The following DPP6 variants were observed in gnomAD, a reference collection of about 807,000 sequenced individuals.
The protein encoded by DPP6 is A-type potassium channel modulatory protein DPP6.
Under a neutral mutation model 122.6 loss-of-function variants are expected in DPP6, and 69 were observed. The observed-to-expected ratio is 0.56, with a 90% CI of 0.46 to 0.69. DPP6 has a LOEUF of 0.69. DPP6 is among the 30% of genes least tolerant of loss of function. The pLI is 0.00. For synonymous variants in DPP6, 418 were observed against 433.1 expected (o/e 0.97, Z 0.43); for missense variants, 928 against 1,116.9 (o/e 0.83, Z 2.41).
chr7:153,764,637 T>G, the DPP6 span, among the ~76,000 whole-genome samples: 1 of 151,756 alleles, frequency 6.6e-6, no homozygotes, highest in East Asian at 1.9e-4. Context: ...TCACATAGAA[T>G]GTTGGAAGAT....
In DPP6 at chr7:154,402,414, A is replaced by G. The variant is rs1239134032; in HGVS notation, c.244-43800A>G. Among the ~76,000 whole-genome samples, 5 of 144,078 alleles carry G rather than the reference A, an allele frequency of 3.5e-5. No individual in the cohort carries two copies. In the South Asian group the frequency reaches 6.4e-4, roughly 18 times the overall value. 94.5% of individuals were successfully genotyped at this position (144,078 alleles called of 152,430 possible). ...ACATATACACCATGGAATACTATGC[A>G]GCCATAAAAAATGATGAGTTCATGT... is the stretch of plus-strand genomic sequence containing the variant. On this transcript the variant is annotated intron_variant, in intron 1 of 25. Coordinates refer to ENST00000377770, the MANE Select transcript of DPP6 (RefSeq NM_130797.4).
intron 7 of DPP6, among the ~76,000 whole-genome samples, chr7:154,702,405 C>T (rs1840578707): frequency 6.6e-6 from 1 of 152,256 alleles, no homozygotes; most frequent in Non-Finnish European, 1.5e-5. Flanking sequence ...AAAGCCAGGC[C>T]TCTTGTGCCA....
intron 8 of DPP6, among the ~76,000 whole-genome samples, chr7:154,752,008 A>G (rs1310670150): frequency 2.6e-5 from 4 of 152,186 alleles, no homozygotes; most frequent in Non-Finnish European, 4.4e-5. Flanking sequence ...TCAGAGTACA[A>G]TGAGAAGACA....
intron 3 of DPP6, among the ~76,000 whole-genome samples, chr7:154,503,937 A>T (rs1308622787): frequency 6.6e-6 from 1 of 152,192 alleles, no homozygotes; most frequent in Non-Finnish European, 1.5e-5. Flanking sequence ...CATCCTGCAC[A>T]TGTACCCTGA....
chr7:154,717,300 T>G lies in DPP6; in HGVS notation c.763-10467T>G, dbSNP rs144539786. Among the ~76,000 whole-genome samples, 384 of 152,334 alleles carry G rather than the reference T, an allele frequency of 2.5e-3. 1 individual carries two copies. The highest frequency in any genetic ancestry group is 0.014 in the Middle Eastern group (4 of 294). On this transcript the variant is annotated intron_variant, in intron 7 of 25. Coordinates refer to ENST00000377770, the MANE Select transcript of DPP6 (RefSeq NM_130797.4). ...TTATTGTTAACCATTATTACCCAAC[T>G]GTGTAATGGAATACTCGGACTTATT...
At chr7:154,327,730 G>T (rs2151030868) in intron 1 of DPP6, among the ~76,000 whole-genome samples, 1 of 152,206 alleles carries the variant, frequency 6.6e-6, no homozygotes, top group African/African-American at 2.4e-5. Flanking sequence ...GAAATAATGG[G>T]ATATAAAAAT....
intron 17 of DPP6, among the ~76,000 whole-genome samples, chr7:154,856,183 T>C (rs562371275): frequency 1.3e-5 from 2 of 152,378 alleles, no homozygotes; most frequent in African/African-American, 2.4e-5. Context: ...TGATATAGCA[T>C]ATGGCTCTTC....
At chr7:154,450,148 C>T (rs537018672) in intron 2 of DPP6, among the ~76,000 whole-genome samples, 1 of 152,270 alleles carries the variant, frequency 6.6e-6, no homozygotes, top group South Asian at 2.1e-4. Flanking sequence ...CTGGAAACTT[C>T]ACACTAAGTG....
chr7:153,767,831 C>T, the DPP6 span, among the ~76,000 whole-genome samples: 24 of 152,238 alleles, frequency 1.6e-4, no homozygotes, highest in East Asian at 3.7e-3. Flanking sequence ...GTGTTGAGGG[C>T]TCTGTATGTA....
At chr7:153,829,826 G>T in the DPP6 span, among the ~76,000 whole-genome samples, 1 of 152,162 alleles carries the variant, frequency 6.6e-6, no homozygotes, top group Non-Finnish European at 1.5e-5. Flanking sequence ...CAGATTGACC[G>T]ATTGTTTCGG....
At chr7:154,323,543 T>G (rs1808160929) in intron 1 of DPP6, among the ~76,000 whole-genome samples, 1 of 152,240 alleles carries the variant, frequency 6.6e-6, no homozygotes, top group Middle Eastern at 3.2e-3. Flanking sequence ...GTGGAGCACT[T>G]GCTGCTTTTG....
At chr7:153,838,333 C>A in the DPP6 span, among the ~76,000 whole-genome samples, 4 of 152,138 alleles carry the variant, frequency 2.6e-5, no homozygotes, top group Admixed American at 6.5e-5. Flanking sequence ...CAATTTCTCT[C>A]TCCTCCATGC....
At chr7:154,421,800 C>T (rs12333876) in intron 1 of DPP6, among the ~76,000 whole-genome samples, 13,258 of 152,184 alleles carry the variant, frequency 0.087, 1,912 homozygotes, top group African/African-American at 0.3. Context: ...TAGTGGAGAA[C>T]GGAACCAGCT....
intron 7 of DPP6, among the ~76,000 whole-genome samples, chr7:154,672,524 C>A (rs1048667392): frequency 6.6e-6 from 1 of 152,170 alleles, no homozygotes; most frequent in Non-Finnish European, 1.5e-5. Context: ...GGCAAATAGC[C>A]AGCATCTATG....
At chr7:154,175,157 A>T (rs1039630320) in intron 1 of DPP6, among the ~76,000 whole-genome samples, 1 of 152,084 alleles carries the variant, frequency 6.6e-6, no homozygotes, top group African/African-American at 2.4e-5. Flanking sequence ...CCCATCACAT[A>T]AAAGACGTTG....
chr7:153,818,894 GGT>G, the DPP6 span, among the ~76,000 whole-genome samples: 2 of 151,814 alleles, frequency 1.3e-5, no homozygotes, highest in Non-Finnish European at 2.9e-5. Context: ...TGGGATTACA[GGT>G]GCATGCCACC....
intron 1 of DPP6, among the ~76,000 whole-genome samples, chr7:154,289,508 T>C (rs1805067389): frequency 6.6e-6 from 1 of 152,166 alleles, no homozygotes; most frequent in African/African-American, 2.4e-5. Context: ...GCTGGAGATA[T>C]TTAGGGAGCA....
At chr7:154,265,434 G>C (rs951353377) in intron 1 of DPP6, among the ~76,000 whole-genome samples, 1 of 152,154 alleles carries the variant, frequency 6.6e-6, no homozygotes, top group African/African-American at 2.4e-5. Flanking sequence ...AAGTCCTTGG[G>C]ATGCTTTGTA....
chr7:154,146,817 C>T (rs940315393), intron 1 of DPP6, among the ~76,000 whole-genome samples: 15 of 148,578 alleles, frequency 1.0e-4, no homozygotes, highest in African/African-American at 3.9e-4. Context: ...AGCCGCGCGG[C>T]TGCCAGGCAG....
Sources: gnomAD v4.1 joint callset for allele counts (sites outside exome capture counted in the v4.1 genomes callset) on GRCh38, gnomAD v4.1.1 for gene constraint, MANE v1.5 for transcripts, NCBI Gene and HGNC (gene_info 2026-07-23, HGNC 2026-07-21) for gene names.